Variants in USP8 observed in about 807,000 individuals in gnomAD.
The protein encoded by USP8 is ubiquitin specific peptidase 8, also known as ubiquitin carboxyl-terminal hydrolase 8.
Under a neutral mutation model 130.0 loss-of-function variants are expected in USP8, and 27 were observed. That is an observed-to-expected ratio of 0.21 (90% confidence interval 0.15 to 0.29). The LOEUF (loss-of-function observed/expected upper bound fraction) is 0.29, where lower values mean the gene tolerates loss of function less well. Ranked by LOEUF, USP8 falls within the 10% of genes least tolerant of loss-of-function variation. USP8 has a pLI of 1.00. For missense variants in USP8, 1,029 were observed against 1,312.2 expected (o/e 0.78, Z 3.33); for synonymous variants, 392 against 444.1 (o/e 0.88, Z 1.48).
At chr15:50,443,357 A>T (rs1466894545) in intron 3 of USP8, among the ~76,000 whole-genome samples, 2 of 151,608 alleles carry the variant, frequency 1.3e-5, no homozygotes, top group Admixed American at 1.3e-4. Flanking sequence ...ACTTATTTTT[A>T]TTTTTAGAGG....
Position 50,511,278 on chromosome 15 carries a change from T to C in USP8, c.*12190T>C, listed in dbSNP as rs757572015. ...TAAAAAATGAGAGGCAGTAACAAGTTCGGTTGAGGATGTGGGGAAACTGGA... is the reference window on the plus strand; with the variant it reads ...TAAAAAATGAGAGGCAGTAACAAGTCCGGTTGAGGATGTGGGGAAACTGGA... On this transcript the variant is annotated 3_prime_UTR_variant, in exon 20 of 20. Transcript: ENST00000307179. 6 of 152,128 alleles carry C rather than the reference T, an allele frequency of 3.9e-5. No individual in the cohort carries two copies. The highest frequency in any genetic ancestry group is 4.1e-4 in the South Asian group (2 of 4,830). The allele number at this position is 152,128 out of a possible 1,614,324, so 9.4% of individuals were successfully genotyped here.
intron 6 of USP8, among the ~76,000 whole-genome samples, chr15:50,463,880 T>TA (rs2141283703): frequency 6.6e-6 from 1 of 152,336 alleles, no homozygotes; most frequent in African/African-American, 2.4e-5. Flanking sequence ...AATAGTAACA[T>TA]AGGGAATATT....
At chr15:50,431,147 G>A (rs1567594073) in intron 1 of USP8, among the ~76,000 whole-genome samples, 1 of 128,918 alleles carries the variant, frequency 7.8e-6, no homozygotes, top group East Asian at 2.6e-4. Context: ...TATTTTGCAG[G>A]GTACAGTGTG....
intron 2 of USP8, among the ~76,000 whole-genome samples, chr15:50,439,828 AT>A (rs1555526899): frequency 4.5e-4 from 46 of 102,460 alleles, no homozygotes; most frequent in African/African-American, 1.6e-3. Context: ...AATAATAATA[AT>A]TTTTTTTTTC....
intron 17 of USP8, among the ~76,000 whole-genome samples, chr15:50,496,605 CTTTCAGGA>C (rs1595993173): frequency 1.3e-5 from 2 of 150,084 alleles, no homozygotes; most frequent in South Asian, 2.1e-4. Flanking sequence ...ATTAAATATT[CTTTCAGGA>C]TTTCAGGATT....
In USP8 at chr15:50,490,408, G is replaced by A. The variant is rs758941863; in HGVS notation, c.2117G>A (p.Arg706Gln). 4.3e-6 allele frequency: 7 copies of A among 1,614,032 alleles called. No homozygotes were observed. Among genetic ancestry groups the A allele is most frequent in the South Asian group, 3.3e-5 (3 of 91,082 alleles). The part of the protein sequence containing the change: ...HKAKPQIPAE[R>Q]DREPSKLKRS... The stretch of plus-strand genomic sequence containing the variant: ...GCCAAGCCACAGATTCCTGCTGAGC[G>A]GGATAGGGAACCTTCCAAACTGAAG... Residue 706 changes from arginine to glutamine, a missense_variant, in exon 14 of 20, where the codon CGG (arginine) becomes CAG (glutamine). Physicochemically the swap from Arg to Gln is conservative, Grantham distance 43. Transcript: ENST00000307179.
chr15:50,427,314 T>G (rs796273447), intron 1 of USP8, among the ~76,000 whole-genome samples: 14 of 152,316 alleles, frequency 9.2e-5, no homozygotes, highest in African/African-American at 3.4e-4. Context: ...TTGTATATTT[T>G]TTCACTTGAT....
intron 16 of USP8, among the ~76,000 whole-genome samples, chr15:50,495,083 G>A (rs1053406789): frequency 1.3e-5 from 2 of 150,662 alleles, no homozygotes; most frequent in African/African-American, 4.9e-5. Context: ...TATTATAAAG[G>A]CATGTATGTA....
chr15:50,463,077 T>C (rs2051063909), intron 6 of USP8, among the ~76,000 whole-genome samples: 1 of 152,030 alleles, frequency 6.6e-6, no homozygotes. Flanking sequence ...GTGAAACCCC[T>C]GTCTCTACAA....
intron 16 of USP8, among the ~76,000 whole-genome samples, chr15:50,495,487 G>C (rs1038734155): frequency 2.4e-5 from 3 of 123,770 alleles, no homozygotes; most frequent in Admixed American, 8.3e-5. Flanking sequence ...AGAGATTGGA[G>C]GGGGGGGTCT....
chr15:50,485,343 G>T (rs571741226), intron 12 of USP8, among the ~76,000 whole-genome samples: 1 of 151,364 alleles, frequency 6.6e-6, no homozygotes, highest in South Asian at 2.1e-4. Context: ...CCAGCTACTC[G>T]GGAGGCTGAG....
Position 50,481,658 on chromosome 15 carries a change from C to G in USP8, c.1396C>G (p.His466Asp). Residue 466 changes from histidine (H) to aspartate (D), a missense_variant, in exon 11 of 20, where the codon CAT becomes GAT. Physicochemically the swap from His to Asp is moderately conservative, Grantham distance 81. Around this residue, in one of 4 missense-constraint regions of USP8, gnomAD observed 486 missense variants for 522.0 expected, o/e 0.93. Transcript: ENST00000307179. ...AACAGATGAAGAAAAGGCTCGTATTCATGCAGAAACTGCTCTTCTAATGGA... is the reference window on the plus strand; with the variant it reads ...AACAGATGAAGAAAAGGCTCGTATTGATGCAGAAACTGCTCTTCTAATGGA... ...MLTDEEKARI[H>D]AETALLMEKN... 2 of 1,612,722 alleles carry G rather than the reference C, an allele frequency of 1.2e-6. No individual in the cohort carries two copies. The highest frequency in any genetic ancestry group is 1.7e-5 in the Admixed American group (1 of 59,732).
chr15:50,440,300 C>G (rs2050214595), intron 2 of USP8, among the ~76,000 whole-genome samples: 1 of 152,204 alleles, frequency 6.6e-6, no homozygotes, highest in African/African-American at 2.4e-5. Context: ...TGGTTTACCT[C>G]TAGCACTACC....
rs1053146085 is a variant in USP8, at chr15:50,493,848, TGAG to T, written c.2448-218_2448-216del. On this transcript the variant is annotated intron_variant, in intron 15 of 19. Transcript: ENST00000307179. The stretch of plus-strand genomic sequence containing the variant: ...GTCATGAACTGGAGCCTGTTGATGA[TGAG>T]GAGACCATGCAGGGCTTGCAGCCAA... 50 of 683,482 alleles carry T rather than the reference TGAG, an allele frequency of 7.3e-5. No individual in the cohort carries two copies. In the African/African-American group the frequency reaches 7.4e-4, roughly 10 times the overall value. 42.3% of individuals were successfully genotyped at this position (683,482 alleles called of 1,614,324 possible). A position where few individuals can be genotyped will look rare whatever the true frequency, so the allele number is the denominator to read the frequency against.
chr15:50,471,491 A>C (rs2051374240), intron 7 of USP8, 142 bp from the exon 8 acceptor site: 1 of 786,552 alleles, frequency 1.3e-6, no homozygotes, highest in Admixed American at 3.1e-5. Context: ...ATATCTTAAT[A>C]TATAACCTCA....
At chr15:50,477,225 T>C in intron 9 of USP8, 51 bp from the exon 10 acceptor site, 7 of 1,495,262 alleles carry the variant, frequency 4.7e-6, no homozygotes, top group Non-Finnish European at 6.4e-6. Flanking sequence ...ATGTAAGTAC[T>C]GTGTATGGGG....
In USP8 at chr15:50,490,921, G is replaced by A. The variant is rs78772265; in HGVS notation, c.2234+396G>A. ...AAGTTCCAAACTTTTTTTCCCCTTAGCCAATAATGTAAGCGAAGTTTTCCT... is the reference window on the plus strand; with the variant it reads ...AAGTTCCAAACTTTTTTTCCCCTTAACCAATAATGTAAGCGAAGTTTTCCT... On this transcript the variant is annotated intron_variant, in intron 14 of 19. Transcript: ENST00000307179. Among the ~76,000 whole-genome samples the A allele has an allele frequency of 4.8e-3, 732 of 152,148 alleles. 3 individuals carry two copies. The highest frequency in any genetic ancestry group is 0.017 in the African/African-American group (712 of 41,504).
At chr15:50,492,582 T>C in intron 14 of USP8, 119 bp from the exon 15 acceptor site, 3 of 944,148 alleles carry the variant, frequency 3.2e-6, no homozygotes, top group Non-Finnish European at 4.7e-6. Context: ...AGTTAACATA[T>C]TAACTGTTTA....
chr15:50,447,853 T>C (rs2050494608), intron 3 of USP8, among the ~76,000 whole-genome samples: 1 of 151,898 alleles, frequency 6.6e-6, no homozygotes, highest in African/African-American at 2.4e-5. Context: ...TCCTCCTGCC[T>C]CTGCCTCCCT....
Sources: allele counts gnomAD v4.1 joint callset (sites outside exome capture counted in the v4.1 genomes callset), GRCh38; gene constraint gnomAD v4.1.1; regional missense constraint gnomAD v4.1.1; transcripts MANE v1.5; gene names NCBI Gene and HGNC (gene_info 2026-07-23, HGNC 2026-07-21).